The following UBQLN1 variants were observed in gnomAD, a reference collection of about 807,000 sequenced individuals.
The protein encoded by UBQLN1 is ubiquilin 1.
UBQLN1 carries 13 observed loss-of-function variants against 65.4 expected under a neutral mutation model. That is an observed-to-expected ratio of 0.20 (90% CI 0.13 to 0.32). UBQLN1 has a LOEUF of 0.32. UBQLN1 is among the 10% of genes least tolerant of loss of function. UBQLN1 has a pLI of 1.00. For synonymous variants in UBQLN1, 267 were observed against 247.8 expected, an observed-to-expected ratio of 1.08 and a Z score of -0.73; for missense variants, 561 against 724.0, an observed-to-expected ratio of 0.77 and a Z score of 2.58.
intron 8 of UBQLN1, 22 bp downstream of exon 8, chr9:83,666,328 G>GCTAAC: frequency 6.2e-7 from 1 of 1,607,916 alleles, no homozygotes; most frequent in Non-Finnish European, 8.5e-7. Flanking sequence ...ACCCAAGATA[G>GCTAAC]CTAACATCTT....
chr9:83,663,861 A>T lies in UBQLN1; in HGVS notation c.1617+14T>A. 1 of 1,605,910 alleles carries T rather than the reference A, an allele frequency of 6.2e-7. No individual in the cohort carries two copies. The highest frequency in any genetic ancestry group is 8.5e-7 in the Non-Finnish European group (1 of 1,177,624). Reference sequence around the variant, plus strand: ...ATTAAGGAATACAAAACTTGAATGGAAAAGAACTGATACCTGAGGATTTAC... The same window carrying T: ...ATTAAGGAATACAAAACTTGAATGGTAAAGAACTGATACCTGAGGATTTAC... On this transcript the variant is annotated intron_variant, in intron 10 of 10. Coordinates refer to ENST00000376395, the MANE Select transcript of UBQLN1 (RefSeq NM_013438.5).
chr9:83,666,256 G>T, intron 8 of UBQLN1, 94 bp downstream of exon 8: 1 of 1,185,394 alleles, frequency 8.4e-7, no homozygotes, highest in Non-Finnish European at 1.2e-6. Flanking sequence ...TCTATGTTTT[G>T]CTATCAGCCA....
chr9:83,675,131 T>G (rs533955052), intron 6 of UBQLN1, among the ~76,000 whole-genome samples: 1 of 152,322 alleles, frequency 6.6e-6, no homozygotes, highest in Admixed American at 6.5e-5. Flanking sequence ...TGAATTTTTA[T>G]TAACAATAAC....
At chr9:83,697,938 G>A (rs971590544) in intron 1 of UBQLN1, among the ~76,000 whole-genome samples, 4 of 151,984 alleles carry the variant, frequency 2.6e-5, no homozygotes, top group African/African-American at 9.7e-5. Flanking sequence ...GTTTCTCCAT[G>A]TTGGTCAGGC....
intron 10 of UBQLN1, 80 bp from the exon 11 acceptor site, chr9:83,662,019 G>T: frequency 7.4e-7 from 1 of 1,351,956 alleles, no homozygotes; most frequent in Non-Finnish European, 1.0e-6. Context: ...TTTTTTAATT[G>T]CTTTTTTATA....
chr9:83,679,477 A>G (rs1831904210), intron 4 of UBQLN1, among the ~76,000 whole-genome samples: 1 of 152,264 alleles, frequency 6.6e-6, no homozygotes, highest in South Asian at 2.1e-4. Flanking sequence ...AAAGCAACTT[A>G]GCATTCAAAT....
intron 6 of UBQLN1, among the ~76,000 whole-genome samples, chr9:83,674,387 TC>T (rs1831794474): frequency 6.6e-6 from 1 of 151,938 alleles, no homozygotes; most frequent in South Asian, 2.1e-4. Context: ...ATCACAATAC[TC>T]CCCACTCACA....
At chr9:83,695,203 T>C (rs1193238653) in intron 1 of UBQLN1, among the ~76,000 whole-genome samples, 2 of 66,846 alleles carry the variant, frequency 3.0e-5, no homozygotes, top group Non-Finnish European at 7.5e-5. Context: ...CCTCCCACCT[T>C]TTTTTTTTTT....
At chr9:83,679,403 T>G (rs1024880729) in intron 4 of UBQLN1, among the ~76,000 whole-genome samples, 2 of 152,208 alleles carry the variant, frequency 1.3e-5, no homozygotes, top group Non-Finnish European at 2.9e-5. Flanking sequence ...GTTGTTGCAA[T>G]TTTGTATTCA....
chr9:83,661,819 T>C lies in UBQLN1; in HGVS notation c.1738A>G (p.Ile580Val). The C allele has an allele frequency of 1.2e-6, 2 of 1,613,386 alleles. No individual in the cohort carries two copies. The highest frequency in any genetic ancestry group is 1.1e-5 in the South Asian group (1 of 90,992). Residue 580 changes from isoleucine to valine, a missense_variant, in exon 11 of 11, where the codon ATT (isoleucine) becomes GTT (valine). Coordinates refer to ENST00000376395, the MANE Select transcript of UBQLN1 (RefSeq NM_013438.5). ...IATGGDINAA[I>V]ERLLGSQPS ...GGCTGGGAGCCCAGTAACCTTTCAA[T>C]AGCTGCATTGATATCACCTCCTGTT...
In UBQLN1 at chr9:83,678,604, G is replaced by A. The variant is rs748204504; in HGVS notation, c.712-5C>T. 1.7e-4 allele frequency: 268 copies of A among 1,563,468 alleles called. No homozygotes were observed. The highest frequency in any genetic ancestry group is 1.1e-3 in the Admixed American group (52 of 48,340). On this transcript the variant is annotated splice_region_variant and splice_polypyrimidine_tract_variant and intron_variant, in intron 4 of 10. Coordinates refer to ENST00000376395, the MANE Select transcript of UBQLN1 (RefSeq NM_013438.5). Reference sequence around the variant, plus strand: ...ATTCCTGGCAAGTTCCAACGTCTACGAAAAATATTTCCAAAAAAAGAAAAA... The same window carrying A: ...ATTCCTGGCAAGTTCCAACGTCTACAAAAAATATTTCCAAAAAAAGAAAAA...
At chr9:83,698,787 C>T (rs1482878018) in intron 1 of UBQLN1, among the ~76,000 whole-genome samples, 1 of 152,008 alleles carries the variant, frequency 6.6e-6, no homozygotes, top group Non-Finnish European at 1.5e-5. Context: ...GTGATGTGAG[C>T]TTGCAGTCCC....
At chr9:83,676,011 G>A (rs1330441127) in intron 6 of UBQLN1, among the ~76,000 whole-genome samples, 1 of 151,536 alleles carries the variant, frequency 6.6e-6, no homozygotes, top group Non-Finnish European at 1.5e-5. Context: ...TTGCCTCTTG[G>A]CCAGTAATAC....
intron 7 of UBQLN1, chr9:83,668,838 G>T: frequency 4.5e-6 from 1 of 223,786 alleles, no homozygotes; most frequent in Non-Finnish European, 7.8e-6. Context: ...TATTAACATT[G>T]CTCTTAATTG....
At chr9:83,676,178 G>A (rs1360763316) in intron 6 of UBQLN1, among the ~76,000 whole-genome samples, 5 of 152,214 alleles carry the variant, frequency 3.3e-5, no homozygotes, top group Non-Finnish European at 5.9e-5. Context: ...AAATGTCACA[G>A]TTGAGTAAGA....
chr9:83,704,365 T>C (rs1210984387), intron 1 of UBQLN1, among the ~76,000 whole-genome samples: 1 of 152,244 alleles, frequency 6.6e-6, no homozygotes, highest in African/African-American at 2.4e-5. Context: ...TGTATCTGTT[T>C]CCCTTGCATA....
At chr9:83,665,605 T>C (rs1158479419) in intron 8 of UBQLN1, among the ~76,000 whole-genome samples, 2 of 152,232 alleles carry the variant, frequency 1.3e-5, no homozygotes, top group African/African-American at 2.4e-5. Context: ...CGTTAATACA[T>C]GTATCCTGAG....
chr9:83,687,379 A>T (rs528668774), intron 1 of UBQLN1, among the ~76,000 whole-genome samples: 1 of 152,324 alleles, frequency 6.6e-6, no homozygotes, highest in East Asian at 1.9e-4. Context: ...AGACTGTCCA[A>T]ATAGGAAAGC....
Position 83,669,226 on chromosome 9 carries a change from T to C in UBQLN1, c.1207A>G (p.Met403Val). ...GGATTCTGGCTTAGTGACTGCATCA[T>C]GCTTCTCATGTAGGGGGCAGACAAC... ...NMLSAPYMRS[M>V]MQSLSQNPDL... Residue 403 changes from methionine to valine, a missense_variant, in exon 7 of 11, where the codon ATG (methionine) becomes GTG (valine). Coordinates refer to ENST00000376395, the MANE Select transcript of UBQLN1 (RefSeq NM_013438.5). 6.2e-7 allele frequency: 1 copy of C among 1,612,158 alleles called. No individual in the cohort carries two copies. The highest frequency in any genetic ancestry group is 8.5e-7 in the Non-Finnish European group (1 of 1,179,660).
Sources: gnomAD v4.1 joint callset for allele counts (sites outside exome capture counted in the v4.1 genomes callset) on GRCh38, gnomAD v4.1.1 for gene constraint, MANE v1.5 for transcripts, NCBI Gene and HGNC (gene_info 2026-07-23, HGNC 2026-07-21) for gene names.